SORL1: variants seen among roughly 807,000 people sequenced by gnomAD.
The protein encoded by SORL1 is sortilin-related receptor.
In SORL1, 127 loss-of-function variants were observed where a neutral mutation model predicts 273.7. The ratio of observed to expected loss-of-function variants is 0.46; its 90% CI spans 0.40 to 0.54. The LOEUF (loss-of-function observed/expected upper bound fraction) is 0.54, where lower values mean the gene tolerates loss of function less well. SORL1 is among the 20% of genes least tolerant of loss of function. The pLI, the probability that SORL1 is intolerant of heterozygous loss-of-function variation, is 0.00. For synonymous variants in SORL1, 1,031 were observed against 1,067.4 expected (o/e 0.97, Z 0.66); for missense variants, 2,494 against 2,846.1 (o/e 0.88, Z 2.81).
At chr11:121,501,178 A>G (rs2134828587) in intron 6 of SORL1, among the ~76,000 whole-genome samples, 1 of 152,370 alleles carries the variant, frequency 6.6e-6, no homozygotes, top group Middle Eastern at 3.4e-3. Flanking sequence ...TAAAAATAAA[A>G]CTATAACAAT....
chr11:121,577,106 G>A, intron 24 of SORL1, 175 bp from the exon 25 acceptor site: 1 of 1,079,160 alleles, frequency 9.3e-7, no homozygotes, highest in Non-Finnish European at 1.4e-6. Context: ...GCAGCACACT[G>A]ACTGGAAGCT....
chr11:121,522,562 C>G (rs553172438), intron 9 of SORL1, 24 bp from the exon 10 acceptor site: 28 of 1,544,388 alleles, frequency 1.8e-5, no homozygotes, highest in Non-Finnish European at 2.2e-5. Flanking sequence ...TGTGCTGACA[C>G]TGCCTGAAAC....
rs559681008 is a variant in SORL1, at chr11:121,610,404, A to G, written c.5240-672A>G. 2.6e-5 allele frequency: 4 copies of G among 152,284 alleles called. No individual in the cohort carries two copies. In the South Asian group the frequency reaches 8.3e-4, roughly 32 times the overall value. 9.4% of individuals were successfully genotyped at this position (152,284 alleles called of 1,614,324 possible). ...CTTGAGCTCCAGTCTTTTTGAGAGC[A>G]CCAGTGGTTTCTAGTTGTTTAGTTG... On this transcript the variant is annotated intron_variant, in intron 38 of 47. Transcript: ENST00000260197.
At chr11:121,577,033 C>A in intron 24 of SORL1, 1 of 1,292,178 alleles carries the variant, frequency 7.7e-7, no homozygotes, top group South Asian at 1.3e-5. Context: ...ATGCTGTTGT[C>A]AAGAGGCAAG....
At chr11:121,479,285 A>G (rs1323867751) in intron 3 of SORL1, among the ~76,000 whole-genome samples, 1 of 152,040 alleles carries the variant, frequency 6.6e-6, no homozygotes, top group Admixed American at 6.6e-5. Flanking sequence ...CTTAGCTCGG[A>G]GAGTTGTATT....
intron 5 of SORL1, among the ~76,000 whole-genome samples, chr11:121,493,783 T>C (rs2134819010): frequency 6.6e-6 from 1 of 152,380 alleles, no homozygotes; most frequent in Non-Finnish European, 1.5e-5. Context: ...TTGTTTCTTT[T>C]AGTTCTCCAT....
At chr11:121,461,938 C>T (rs1209045286) in intron 1 of SORL1, among the ~76,000 whole-genome samples, 1 of 152,184 alleles carries the variant, frequency 6.6e-6, no homozygotes, top group Non-Finnish European at 1.5e-5. Flanking sequence ...ATGACATCCA[C>T]AGGCTGCATC....
chr11:121,584,445 T>C (rs537682208), intron 26 of SORL1, among the ~76,000 whole-genome samples: 1 of 152,372 alleles, frequency 6.6e-6, no homozygotes, highest in South Asian at 2.1e-4. Flanking sequence ...TTACTGTTTC[T>C]GTTTGATATC....
In SORL1 at chr11:121,481,240, C is replaced by T. The variant is rs1253680884; in HGVS notation, c.528+2997C>T. Among the ~76,000 whole-genome samples the T allele has an allele frequency of 3.4e-3, 298 of 87,232 alleles. No homozygotes were observed. In the Middle Eastern group the frequency reaches 0.048, roughly 14 times the overall value. 57.2% of individuals were successfully genotyped at this position (87,232 alleles called of 152,430 possible). A position where few individuals can be genotyped will look rare whatever the true frequency, so the allele number is the denominator to read the frequency against. On this transcript the variant is annotated intron_variant, in intron 3 of 47. Transcript: ENST00000260197. ...GTGCACAGATACCTATAGGCAAGCT[C>T]CATCTCCTCCTCCCCAGCTCCTCCC... is the stretch of plus-strand genomic sequence containing the variant.
chr11:121,527,191 TTGAG>T (rs898428163), intron 11 of SORL1, among the ~76,000 whole-genome samples: 3 of 47,052 alleles, frequency 6.4e-5, no homozygotes, highest in East Asian at 6.2e-4. Flanking sequence ...TCACTAGTTG[TTGAG>T]TATTTTTTTT....
intron 1 of SORL1, among the ~76,000 whole-genome samples, chr11:121,455,098 G>A (rs948641356): frequency 6.6e-6 from 1 of 152,092 alleles, no homozygotes; most frequent in African/African-American, 2.4e-5. Context: ...TGGTTCTATG[G>A]AGGTGCAGTG....
chr11:121,532,815 C>T (rs749476212), intron 12 of SORL1, among the ~76,000 whole-genome samples: 25 of 151,766 alleles, frequency 1.6e-4, no homozygotes, highest in Non-Finnish European at 3.2e-4. Flanking sequence ...CCTCCTGAGT[C>T]TGGGATTACA....
At position 121,493,046 on chromosome 11, in the gene SORL1, A is replaced by G. The variant is rs564551589; in HGVS notation, c.758+2936A>G. Among the ~76,000 whole-genome samples, 4 of 151,798 alleles carry G rather than the reference A, an allele frequency of 2.6e-5. No individual in the cohort carries two copies. In the South Asian group the frequency reaches 8.4e-4, roughly 32 times the overall value. On this transcript the variant is annotated intron_variant, in intron 5 of 47. Coordinates refer to ENST00000260197, the MANE Select transcript of SORL1 (RefSeq NM_003105.6). ...CAGGCTGGAGTGCAGTGACACTATCATAGCTTACAGCAGCTTCAAACTCTT... is the reference window on the plus strand; with the variant it reads ...CAGGCTGGAGTGCAGTGACACTATCGTAGCTTACAGCAGCTTCAAACTCTT...
chr11:121,603,111 C>CGAGA (rs1863419485), intron 32 of SORL1, among the ~76,000 whole-genome samples: 1 of 152,264 alleles, frequency 6.6e-6, no homozygotes, highest in African/African-American at 2.4e-5. Context: ...CCAGGCTGAA[C>CGAGA]TCTCCTACCT....
At chr11:121,552,816 TAACCCAGGCATGCAGCA>T (rs1391069288) in intron 16 of SORL1, among the ~76,000 whole-genome samples, 1 of 152,218 alleles carries the variant, frequency 6.6e-6, no homozygotes, top group Non-Finnish European at 1.5e-5. Context: ...CAGGAATGGC[TAACCCAGGCATGCAGCA>T]AAAGAATTCC....
In SORL1 at chr11:121,606,971, A is replaced by G. The variant is rs1371046827; in HGVS notation, c.5061+14A>G. 18 of 1,573,776 alleles carry G rather than the reference A, an allele frequency of 1.1e-5. 1 individual carries two copies. Among genetic ancestry groups the G allele is most frequent in the South Asian group, 4.4e-5 (4 of 90,272 alleles). On this transcript the variant is annotated intron_variant, in intron 36 of 47. Transcript: ENST00000260197. ...CGTGAGTACATTGTAAGTACCTTCC[A>G]TGAGTTGGCTGTATGTGTGTTGGGG... is the stretch of plus-strand genomic sequence containing the variant.
intron 19 of SORL1, among the ~76,000 whole-genome samples, chr11:121,558,035 C>G (rs1171503629): frequency 6.6e-6 from 1 of 152,140 alleles, no homozygotes; most frequent in Non-Finnish European, 1.5e-5. Context: ...TGCATTCTTC[C>G]TTTTCATTCT....
rs1863898938 is a variant in SORL1, at chr11:121,633,263, G to A, written c.*3700G>A. 1 of 152,178 alleles carries A rather than the reference G, an allele frequency of 6.6e-6. No individual in the cohort carries two copies. The highest frequency in any genetic ancestry group is 6.5e-5 in the Admixed American group (1 of 15,274). The allele number at this position is 152,178 out of a possible 1,614,324, so 9.4% of individuals were successfully genotyped here. Reference sequence around the variant, plus strand: ...TGTTTCTGCCCACTAATTTTGAGCAGCCATATTATGAATTAAATCGTCACA... The same window carrying A: ...TGTTTCTGCCCACTAATTTTGAGCAACCATATTATGAATTAAATCGTCACA... On this transcript the variant is annotated 3_prime_UTR_variant, in exon 48 of 48. Transcript: ENST00000260197.
chr11:121,496,802 C>A, intron 5 of SORL1, 67 bp from the exon 6 acceptor site: 2 of 1,409,690 alleles, frequency 1.4e-6, no homozygotes, highest in Admixed American at 4.1e-5. Flanking sequence ...TATCCCATTG[C>A]AAAACTTCCA....
Sources: gnomAD v4.1 joint callset for allele counts (sites outside exome capture counted in the v4.1 genomes callset) on GRCh38, gnomAD v4.1.1 for gene constraint, MANE v1.5 for transcripts, NCBI Gene and HGNC (gene_info 2026-07-23, HGNC 2026-07-21) for gene names.